Variants in PDE7B observed in about 807,000 individuals in gnomAD.
PDE7B encodes phosphodiesterase 7B, also known as 3',5'-cyclic-AMP phosphodiesterase 7B.
PDE7B carries 29 observed loss-of-function variants against 56.2 expected under a neutral mutation model. That is an observed-to-expected ratio of 0.52 (90% CI 0.38 to 0.70). The LOEUF (loss-of-function observed/expected upper bound fraction) is 0.70, where lower values mean the gene tolerates loss of function less well. Among genes scored for constraint, PDE7B ranks in the 30% least tolerant of loss-of-function variants. The pLI, the probability that PDE7B is intolerant of heterozygous loss-of-function variation, is 0.00. For synonymous variants in PDE7B, 197 were observed against 196.9 expected, an observed-to-expected ratio of 1.00 and a Z score of 0.00; for missense variants, 490 against 565.0, an observed-to-expected ratio of 0.87 and a Z score of 1.35.
chr6:135,928,595 A>G (rs1017278903), intron 1 of PDE7B, among the ~76,000 whole-genome samples: 1 of 147,826 alleles, frequency 6.8e-6, no homozygotes, highest in African/African-American at 2.5e-5. Context: ...ACACATACAT[A>G]CATATACACC....
intron 2 of PDE7B, chr6:136,035,097 T>C (rs1014234820): frequency 3.9e-5 from 6 of 152,232 alleles, no homozygotes; most frequent in African/African-American, 1.2e-4. Context: ...ATTACTGATA[T>C]TAACATGTGT....
intron 2 of PDE7B, among the ~76,000 whole-genome samples, chr6:135,955,687 A>C (rs1026854567): frequency 5.9e-5 from 9 of 152,126 alleles, no homozygotes; most frequent in African/African-American, 1.9e-4. Flanking sequence ...CTGAAGAAAG[A>C]CTAGTTTAGG....
intron 2 of PDE7B, among the ~76,000 whole-genome samples, chr6:136,072,343 T>C (rs1260440410): frequency 1.3e-5 from 2 of 152,240 alleles, no homozygotes; most frequent in East Asian, 3.9e-4. Context: ...GCTCATGGCA[T>C]AGCTGATACT....
chr6:136,105,956 A>C (rs576500998), intron 2 of PDE7B, among the ~76,000 whole-genome samples: 83 of 152,372 alleles, frequency 5.4e-4, no homozygotes, highest in African/African-American at 1.9e-3. Flanking sequence ...GTGAGCGTGA[A>C]AGTGCTGGAA....
intron 2 of PDE7B, among the ~76,000 whole-genome samples, chr6:136,101,646 A>T (rs1777564422): frequency 6.6e-6 from 1 of 152,188 alleles, no homozygotes; most frequent in African/African-American, 2.4e-5. Context: ...GCATTTGTTG[A>T]AATGAACTGA....
intron 2 of PDE7B, chr6:136,094,337 A>G (rs887221783): frequency 6.6e-6 from 1 of 152,604 alleles, no homozygotes; most frequent in African/African-American, 2.4e-5. Context: ...CCTTGCCCTC[A>G]TCCCCTCACA....
chr6:135,916,174 C>T (rs900614232), intron 1 of PDE7B, among the ~76,000 whole-genome samples: 2 of 152,146 alleles, frequency 1.3e-5, no homozygotes, highest in African/African-American at 4.8e-5. Flanking sequence ...ACCCACAATG[C>T]ATAAGAGTTT....
chr6:136,170,322 C>T (rs79084897), intron 8 of PDE7B, among the ~76,000 whole-genome samples: 2,060 of 152,142 alleles, frequency 0.014, 58 homozygotes, highest in African/African-American at 0.045. Flanking sequence ...ATTTACCATC[C>T]TAACCATTTT....
chr6:136,103,924 CAG>C (rs1168105396), intron 2 of PDE7B, among the ~76,000 whole-genome samples: 1 of 152,194 alleles, frequency 6.6e-6, no homozygotes, highest in African/African-American at 2.4e-5. Context: ...TCATCGCTGT[CAG>C]AGTCTCCACC....
rs3037775 is a variant in PDE7B at position 135,924,617 on chromosome 6, C to CTTTTTTT, written c.22-22828_22-22822dup. Among the ~76,000 whole-genome samples the CTTTTTTT allele has an allele frequency of 1.6e-3, 79 of 49,572 alleles. 1 individual carries two copies. Among genetic ancestry groups the CTTTTTTT allele is most frequent in the African/African-American group, 6.2e-3 (62 of 10,034 alleles). The allele number at this position is 49,572 out of a possible 152,430, so 32.5% of individuals were successfully genotyped here. A position where few individuals can be genotyped will look rare whatever the true frequency, so the allele number is the denominator to read the frequency against. ...TGAGTAGTGGAATCTCTCTCTCTCT[C>CTTTTTTT]TTTTTTTTTTTTTTTTTTTTTTTTT... On this transcript the variant is annotated intron_variant, in intron 1 of 12. Transcript: ENST00000308191.
chr6:135,854,621 G>A (rs1330651444), intron 1 of PDE7B, among the ~76,000 whole-genome samples: 2 of 152,116 alleles, frequency 1.3e-5, no homozygotes, highest in East Asian at 3.9e-4. Context: ...TCCTCATGGC[G>A]GCAGCCCCAT....
chr6:136,170,892 C>T (rs532155846), intron 8 of PDE7B, among the ~76,000 whole-genome samples: 1 of 152,268 alleles, frequency 6.6e-6, no homozygotes, highest in African/African-American at 2.4e-5. Flanking sequence ...ATCCAATCAC[C>T]TCTTAAAGGC....
chr6:135,873,922 G>C (rs750666095), intron 1 of PDE7B, among the ~76,000 whole-genome samples: 2 of 152,114 alleles, frequency 1.3e-5, no homozygotes, highest in Non-Finnish European at 2.9e-5. Flanking sequence ...TACTAAGCTA[G>C]ATGTTGTTCT....
intron 3 of PDE7B, among the ~76,000 whole-genome samples, chr6:136,116,196 TTGAC>T (rs1428379171): frequency 1.3e-5 from 2 of 152,194 alleles, no homozygotes; most frequent in African/African-American, 4.8e-5. Flanking sequence ...TAAGACAGTG[TTGAC>T]TGATTAAGGA....
At chr6:135,864,765 C>T (rs936377312) in intron 1 of PDE7B, among the ~76,000 whole-genome samples, 1 of 151,944 alleles carries the variant, frequency 6.6e-6, no homozygotes, top group African/African-American at 2.4e-5. Flanking sequence ...AATATTGCTT[C>T]TGCCCCATTA....
intron 1 of PDE7B, among the ~76,000 whole-genome samples, chr6:135,854,829 G>A (rs1249996735): frequency 6.6e-6 from 1 of 152,098 alleles, no homozygotes; most frequent in Non-Finnish European, 1.5e-5. Context: ...AGGAGAAAAG[G>A]GATGTAGAAA....
chr6:136,025,746 CA>C (rs1338512251), intron 2 of PDE7B, among the ~76,000 whole-genome samples: 1 of 152,250 alleles, frequency 6.6e-6, no homozygotes, highest in Non-Finnish European at 1.5e-5. Context: ...CCACCAGACA[CA>C]AGTCTGTCTT....
intron 12 of PDE7B, among the ~76,000 whole-genome samples, chr6:136,189,157 C>G (rs775798397): frequency 2.6e-5 from 4 of 152,170 alleles, no homozygotes; most frequent in Non-Finnish European, 5.9e-5. Flanking sequence ...TACTCTCAGG[C>G]TTAGATCTGA....
chr6:135,985,856 G>A (rs1775367783), intron 2 of PDE7B, among the ~76,000 whole-genome samples: 1 of 152,194 alleles, frequency 6.6e-6, no homozygotes, highest in African/African-American at 2.4e-5. Context: ...GCCGTATACA[G>A]TGCCACTGAG....
Sources: allele counts gnomAD v4.1 joint callset (sites outside exome capture counted in the v4.1 genomes callset), GRCh38; gene constraint gnomAD v4.1.1; transcripts MANE v1.5; gene names NCBI Gene and HGNC (gene_info 2026-07-23, HGNC 2026-07-21).